The following SMOC2 variants were observed in gnomAD, a reference collection of about 807,000 sequenced individuals.
SMOC2 encodes the protein SPARC-related modular calcium-binding protein 2.
SMOC2 carries 39 observed loss-of-function variants against 61.4 expected under a neutral mutation model. The observed-to-expected ratio is 0.64, with a 90% CI of 0.49 to 0.83. The LOEUF is 0.83. SMOC2 is among the 40% of genes least tolerant of loss of function. The probability of loss-of-function intolerance (pLI) is 0.00; values close to 1 mark genes in which losing one functional copy is unlikely to be tolerated. For synonymous variants in SMOC2, 247 were observed against 239.9 expected, an observed-to-expected ratio of 1.03 and a Z score of -0.27; for missense variants, 556 against 592.9, an observed-to-expected ratio of 0.94 and a Z score of 0.65.
intron 7 of SMOC2, among the ~76,000 whole-genome samples, chr6:168,587,110 C>T (rs1785063525): frequency 6.6e-6 from 1 of 152,196 alleles, no homozygotes; most frequent in Admixed American, 6.5e-5. Flanking sequence ...TAGCTGAAAA[C>T]ATTTGCATTT....
chr6:168,462,617 G>A (rs1781741217), intron 1 of SMOC2, among the ~76,000 whole-genome samples: 1 of 152,154 alleles, frequency 6.6e-6, no homozygotes, highest in South Asian at 2.1e-4. Context: ...GGTGGCTTAT[G>A]ATGAATGACA....
chr6:168,620,379 C>G (rs933935507), intron 9 of SMOC2, among the ~76,000 whole-genome samples: 1 of 152,020 alleles, frequency 6.6e-6, no homozygotes, highest in Admixed American at 6.5e-5. Context: ...TGCCAATGTT[C>G]TGGGAGATGC....
chr6:168,526,308 A>G (rs761374372), intron 2 of SMOC2, 38 bp from the exon 3 acceptor site: 6 of 1,560,954 alleles, frequency 3.8e-6, no homozygotes, highest in Admixed American at 3.3e-5. Flanking sequence ...TCTTCTTCCC[A>G]TTGCATAACC....
intron 8 of SMOC2, among the ~76,000 whole-genome samples, chr6:168,601,632 G>A (rs1785557113): frequency 6.6e-6 from 1 of 152,154 alleles, no homozygotes; most frequent in Admixed American, 6.5e-5. Context: ...GGCAGCCCCA[G>A]CCCCCAGTGA....
chr6:168,517,959 C>G (rs1783184787), intron 2 of SMOC2, among the ~76,000 whole-genome samples: 1 of 152,238 alleles, frequency 6.6e-6, no homozygotes, highest in African/African-American at 2.4e-5. Context: ...GTCCTCGCGT[C>G]TCTAGAACGA....
At chr6:168,528,264 A>T (rs1783501518) in intron 4 of SMOC2, among the ~76,000 whole-genome samples, 1 of 73,888 alleles carries the variant, frequency 1.4e-5, no homozygotes, top group Non-Finnish European at 3.7e-5. Context: ...CTTTCCCATT[A>T]GTGTTTTTTT....
At chr6:168,639,189 C>T (rs977255541) in intron 9 of SMOC2, among the ~76,000 whole-genome samples, 4 of 152,142 alleles carry the variant, frequency 2.6e-5, no homozygotes, top group South Asian at 2.1e-4. Context: ...TGGAGCCCCC[C>T]GTTTTGGCTC....
chr6:168,441,523 C>T (rs1238187424), intron 1 of SMOC2, 69 bp downstream of exon 1: 3 of 1,419,200 alleles, frequency 2.1e-6, no homozygotes, highest in African/African-American at 3.0e-5. Context: ...GGTTCGGGTC[C>T]CCGCGCCCCG....
At position 168,453,178 on chromosome 6, in the gene SMOC2, G is replaced by C. The variant is rs1289590257; in HGVS notation, c.84+11724G>C. On this transcript the variant is annotated intron_variant, in intron 1 of 12. Transcript: ENST00000356284. This position sits in a 1 kb window ranked among gnomAD's most constrained non-coding sequence, Gnocchi z 4.4. ...ACGCAGGCAGGTGCAGGCTGTTCTA[G>C]AGTGTGCTCAGGGTGGCCTGACAAA... is the stretch of plus-strand genomic sequence containing the variant. Among the ~76,000 whole-genome samples the C allele has an allele frequency of 6.6e-6, 1 of 151,634 alleles. No homozygotes were observed. The highest frequency in any genetic ancestry group is 1.5e-5 in the Non-Finnish European group (1 of 67,822).
chr6:168,628,882 A>G (rs1786489928), intron 9 of SMOC2, among the ~76,000 whole-genome samples: 2 of 152,208 alleles, frequency 1.3e-5, no homozygotes, highest in Non-Finnish European at 2.9e-5. Context: ...CTCGGAACAC[A>G]CAGTTTCCGA....
At chr6:168,487,091 G>A (rs1312367796) in intron 1 of SMOC2, among the ~76,000 whole-genome samples, 2 of 152,134 alleles carry the variant, frequency 1.3e-5, no homozygotes, top group African/African-American at 4.8e-5. Context: ...CCTCTCCTCT[G>A]CCCTGTGGCC....
chr6:168,506,657 C>A (rs796647928), intron 1 of SMOC2, among the ~76,000 whole-genome samples: 48 of 152,292 alleles, frequency 3.2e-4, no homozygotes, highest in African/African-American at 1.1e-3. Flanking sequence ...CCCTCCCCCC[C>A]ACCACTTCCT....
chr6:168,451,575 C>G (rs1173377914), intron 1 of SMOC2, among the ~76,000 whole-genome samples: 1 of 140,484 alleles, frequency 7.1e-6, no homozygotes, highest in Non-Finnish European at 1.5e-5. Flanking sequence ...AGCTCGCGCT[C>G]TCTCTCTGTC....
chr6:168,460,304 A>AAGC (rs1362040395), intron 1 of SMOC2, among the ~76,000 whole-genome samples: 1 of 152,220 alleles, frequency 6.6e-6, no homozygotes, highest in Non-Finnish European at 1.5e-5. Flanking sequence ...GGAATTCTAC[A>AAGC]AGCAATGTAA....
At chr6:168,583,144 A>C (rs898275110) in intron 7 of SMOC2, among the ~76,000 whole-genome samples, 3 of 152,252 alleles carry the variant, frequency 2.0e-5, no homozygotes, top group Non-Finnish European at 4.4e-5. Context: ...AGCCATAGAA[A>C]ATTCAAAAAA....
intron 7 of SMOC2, among the ~76,000 whole-genome samples, chr6:168,558,843 G>C (rs889451610): frequency 1.3e-5 from 2 of 150,162 alleles, no homozygotes; most frequent in Non-Finnish European, 3.0e-5. Flanking sequence ...GTGCACGTGT[G>C]TATGTGCGCG....
intron 9 of SMOC2, among the ~76,000 whole-genome samples, chr6:168,627,103 A>G (rs891806253): frequency 6.6e-6 from 1 of 152,190 alleles, no homozygotes; most frequent in East Asian, 1.9e-4. Context: ...AAAAATATGT[A>G]TAGAAAATTA....
At chr6:168,526,560 G>A in intron 3 of SMOC2, 108 bp downstream of exon 3, 1 of 849,456 alleles carries the variant, frequency 1.2e-6, no homozygotes. Flanking sequence ...AGAAGCAGCG[G>A]GTTTGTTCTC....
chr6:168,515,777 G>A (rs756089091), intron 2 of SMOC2, among the ~76,000 whole-genome samples: 5 of 152,252 alleles, frequency 3.3e-5, no homozygotes, highest in Admixed American at 6.5e-5. Flanking sequence ...AGCCCAGGAC[G>A]GGTGAGAACA....
Sources: allele counts gnomAD v4.1 joint callset (sites outside exome capture counted in the v4.1 genomes callset), GRCh38; gene constraint gnomAD v4.1.1; non-coding constraint Gnocchi (gnomAD v3.1); transcripts MANE v1.5; gene names NCBI Gene and HGNC (gene_info 2026-07-23, HGNC 2026-07-21).